The following ULK4 variants were observed in gnomAD, a reference collection of about 807,000 sequenced individuals.
ULK4 encodes inactive serine/threonine-protein kinase ULK4.
Under a neutral mutation model 160.6 loss-of-function variants are expected in ULK4, and 133 were observed. That is an observed-to-expected ratio of 0.83 (90% CI 0.72 to 0.96). The LOEUF (loss-of-function observed/expected upper bound fraction) is 0.96, where lower values mean the gene tolerates loss of function less well. ULK4 is among the 40% of genes least tolerant of loss of function. ULK4 has a pLI of 0.00. For synonymous variants in ULK4, 534 were observed against 539.8 expected, an observed-to-expected ratio of 0.99 and a Z score of 0.15; for missense variants, 1,580 against 1,499.5, an observed-to-expected ratio of 1.05 and a Z score of -0.89.
chr3:41,681,846 C>T (rs768214922), intron 27 of ULK4, 42 bp from the exon 28 acceptor site: 38 of 1,602,810 alleles, frequency 2.4e-5, no homozygotes, highest in African/African-American at 4.0e-5. Flanking sequence ...TCTATGAACA[C>T]AAAACTGATA....
intron 35 of ULK4, among the ~76,000 whole-genome samples, chr3:41,268,623 T>G (rs2079085019): frequency 6.6e-6 from 1 of 151,942 alleles, no homozygotes; most frequent in African/African-American, 2.4e-5. Context: ...CTGGCCAACA[T>G]GGTGAAACCC....
chr3:41,641,979 G>T (rs766173329), intron 30 of ULK4, among the ~76,000 whole-genome samples: 8 of 150,978 alleles, frequency 5.3e-5, no homozygotes, highest in Non-Finnish European at 1.2e-4. Flanking sequence ...AGGTTCAAGT[G>T]GTTCTCGTGC....
intron 34 of ULK4, among the ~76,000 whole-genome samples, chr3:41,429,404 T>C (rs2082851053): frequency 6.6e-6 from 1 of 152,216 alleles, no homozygotes. Flanking sequence ...ACTGCGTATA[T>C]ACTCAAAGGA....
In ULK4 at chr3:41,777,849, G is replaced by A. The variant is rs1378408087; in HGVS notation, c.2193+11812C>T. 4.2e-5 allele frequency among the ~76,000 whole-genome samples: 6 copies of A among 142,606 alleles called. 1 individual carries two copies. The highest frequency in any genetic ancestry group is 6.1e-5 in the Non-Finnish European group (4 of 65,050). The allele number at this position is 142,606 out of a possible 152,430, so 93.6% of individuals were successfully genotyped here. A position where few individuals can be genotyped will look rare whatever the true frequency, so the allele number is the denominator to read the frequency against. ...AGGAGAGCTTTACTTCCAACTACAT[G>A]GTCAATTTAAACCCACAGCCAATAT... On this transcript the variant is annotated intron_variant, in intron 21 of 36. Coordinates refer to ENST00000301831, the MANE Select transcript of ULK4 (RefSeq NM_017886.4).
intron 21 of ULK4, among the ~76,000 whole-genome samples, chr3:41,769,083 T>C (rs1225217241): frequency 6.6e-6 from 1 of 152,154 alleles, no homozygotes; most frequent in Non-Finnish European, 1.5e-5. Flanking sequence ...AGACAAACTA[T>C]AACAAACATC....
intron 27 of ULK4, among the ~76,000 whole-genome samples, chr3:41,690,751 A>G (rs2036270343): frequency 6.6e-6 from 1 of 151,950 alleles, no homozygotes; most frequent in African/African-American, 2.4e-5. Flanking sequence ...CCATGGCCTC[A>G]TAGTTATAGA....
rs374500498 is a variant in ULK4 at position 41,831,796 on chromosome 3, AGT to A, written c.1764+4066_1764+4067del. On this transcript the variant is annotated intron_variant, in intron 18 of 36. Coordinates refer to ENST00000301831, the MANE Select transcript of ULK4 (RefSeq NM_017886.4). Reference sequence around the variant, plus strand: ...CTCCCATTTGTGAGTGAGAATATGCAGTGTTAGGTTTTCTGTTCCTGTGTTAG... The same window carrying A: ...CTCCCATTTGTGAGTGAGAATATGCAGTTAGGTTTTCTGTTCCTGTGTTAG... Among the ~76,000 whole-genome samples, 255 of 151,828 alleles carry A rather than the reference AGT, an allele frequency of 1.7e-3. 5 individuals are homozygous for A. The highest frequency in any genetic ancestry group is 0.014 in the Middle Eastern group (4 of 294).
At chr3:41,913,990 A>G (rs1188130648) in intron 8 of ULK4, among the ~76,000 whole-genome samples, 1 of 152,152 alleles carries the variant, frequency 6.6e-6, no homozygotes, top group South Asian at 2.1e-4. Context: ...GTGGGAGGAA[A>G]GAATATCAGC....
At chr3:41,342,523 T>C (rs2080708505) in intron 35 of ULK4, among the ~76,000 whole-genome samples, 2 of 152,162 alleles carry the variant, frequency 1.3e-5, no homozygotes, top group African/African-American at 4.8e-5. Context: ...GAATTGAGGT[T>C]GTAATAAATA....
chr3:41,955,822 A>G (rs1200982422), intron 1 of ULK4: 1 of 151,598 alleles, frequency 6.6e-6, no homozygotes, highest in Non-Finnish European at 1.5e-5. Flanking sequence ...TGAAAATAAC[A>G]GCTATTTCGA....
chr3:41,400,125 C>T (rs1248193900), intron 34 of ULK4, among the ~76,000 whole-genome samples: 4 of 152,110 alleles, frequency 2.6e-5, no homozygotes, highest in Non-Finnish European at 5.9e-5. Context: ...CACCCAGTTT[C>T]CCCAATGGAA....
At chr3:41,532,879 C>G (rs1434974032) in intron 32 of ULK4, among the ~76,000 whole-genome samples, 1 of 152,170 alleles carries the variant, frequency 6.6e-6, no homozygotes, top group Non-Finnish European at 1.5e-5. Flanking sequence ...AAGATGGCCA[C>G]AAATTACTGT....
chr3:41,833,283 T>G (rs1306121997), intron 18 of ULK4, among the ~76,000 whole-genome samples: 8 of 140,258 alleles, frequency 5.7e-5, no homozygotes, highest in African/African-American at 8.5e-5. Flanking sequence ...TGTTTTTTTT[T>G]TTGTTTTTTT....
At chr3:41,273,689 G>T (rs62257620) in intron 35 of ULK4, among the ~76,000 whole-genome samples, 1 of 152,114 alleles carries the variant, frequency 6.6e-6, no homozygotes, top group African/African-American at 2.4e-5. Flanking sequence ...GTGGGGGTGT[G>T]GGGAGGTGGG....
intron 31 of ULK4, among the ~76,000 whole-genome samples, chr3:41,584,383 CCAAGCT>C (rs1217492910): frequency 1.1e-4 from 16 of 152,054 alleles, no homozygotes; most frequent in Non-Finnish European, 1.5e-5. Flanking sequence ...CCTCCACCTC[CCAAGCT>C]CAAGTGACCC....
At chr3:41,365,751 T>G (rs184712389) in intron 35 of ULK4, among the ~76,000 whole-genome samples, 46 of 151,988 alleles carry the variant, frequency 3.0e-4, no homozygotes, top group Non-Finnish European at 4.7e-4. Flanking sequence ...GTTAAATGAG[T>G]GTTTCATTGC....
chr3:41,331,422 C>T (rs1243016522), intron 35 of ULK4, among the ~76,000 whole-genome samples: 2 of 152,114 alleles, frequency 1.3e-5, no homozygotes, highest in African/African-American at 4.8e-5. Flanking sequence ...CAGAATAAAA[C>T]CTGACTGTTT....
chr3:41,336,108 C>T (rs1190030088), intron 35 of ULK4, among the ~76,000 whole-genome samples: 1 of 152,132 alleles, frequency 6.6e-6, no homozygotes. Context: ...GCTCTGGAGA[C>T]CAGGCTAGGC....
At chr3:41,891,491 A>G (rs1169296644) in intron 16 of ULK4, among the ~76,000 whole-genome samples, 4 of 152,030 alleles carry the variant, frequency 2.6e-5, no homozygotes, top group Admixed American at 2.6e-4. Context: ...GAGGGAAAAA[A>G]AAAAAAAAGG....
Sources: allele counts gnomAD v4.1 joint callset (sites outside exome capture counted in the v4.1 genomes callset), GRCh38; gene constraint gnomAD v4.1.1; transcripts MANE v1.5; gene names NCBI Gene and HGNC (gene_info 2026-07-23, HGNC 2026-07-21).